The following GPC5 variants were observed in gnomAD, a reference collection of about 807,000 sequenced individuals.
GPC5 encodes the protein glypican 5, also known as glypican-5.
Under a neutral mutation model 53.9 loss-of-function variants are expected in GPC5, and 47 were observed. The observed-to-expected ratio is 0.87, with a 90% CI of 0.69 to 1.11. GPC5 has a LOEUF of 1.11. GPC5 is among the 50% of genes most tolerant of loss of function. The probability of loss-of-function intolerance (pLI) is 0.00; values close to 1 mark genes in which losing one functional copy is unlikely to be tolerated. For synonymous variants in GPC5, 286 were observed against 263.3 expected (o/e 1.09, Z -0.84); for missense variants, 748 against 713.1 (o/e 1.05, Z -0.56).
intron 7 of GPC5, among the ~76,000 whole-genome samples, chr13:92,166,921 GTC>G (rs35310453): frequency 0.072 from 9,167 of 127,906 alleles, 448 homozygotes; most frequent in East Asian, 0.17. Context: ...ATAAGTCTCA[GTC>G]TCTCTCTCTC....
chr13:92,002,400 C>T (rs1468133974), intron 6 of GPC5, among the ~76,000 whole-genome samples: 1 of 152,122 alleles, frequency 6.6e-6, no homozygotes, highest in Admixed American at 6.5e-5. Flanking sequence ...TCTTTTTACA[C>T]CAAAACTGAG....
intron 7 of GPC5, among the ~76,000 whole-genome samples, chr13:92,828,941 C>T (rs1189645562): frequency 3.3e-5 from 5 of 152,156 alleles, no homozygotes; most frequent in Non-Finnish European, 5.9e-5. Context: ...TTCGCCACCA[C>T]GCAATACATC....
At chr13:92,824,197 A>G (rs1877768975) in intron 7 of GPC5, among the ~76,000 whole-genome samples, 1 of 152,010 alleles carries the variant, frequency 6.6e-6, no homozygotes, top group Admixed American at 6.6e-5. Flanking sequence ...ACCAGTCTAC[A>G]CACTGCCCTC....
intron 7 of GPC5, among the ~76,000 whole-genome samples, chr13:92,266,887 T>A (rs887037761): frequency 2.0e-5 from 3 of 151,594 alleles, no homozygotes; most frequent in South Asian, 4.2e-4. Flanking sequence ...AAACACAATT[T>A]TTTTTTTTTG....
At chr13:91,471,649 A>G (rs905970588) in intron 2 of GPC5, among the ~76,000 whole-genome samples, 4 of 152,158 alleles carry the variant, frequency 2.6e-5, no homozygotes, top group African/African-American at 4.8e-5. Context: ...TCTCTTCCTC[A>G]TCTTCAAAAC....
chr13:92,178,510 A>G (rs968754621), intron 7 of GPC5, among the ~76,000 whole-genome samples: 1 of 150,552 alleles, frequency 6.6e-6, no homozygotes, highest in African/African-American at 2.4e-5. Context: ...TATATATACT[A>G]TTATTAAATT....
At chr13:92,071,987 TATTA>T (rs1277588017) in intron 6 of GPC5, among the ~76,000 whole-genome samples, 2 of 146,332 alleles carry the variant, frequency 1.4e-5, no homozygotes, top group African/African-American at 4.9e-5. Flanking sequence ...AATATGTATA[TATTA>T]TTTATATGTA....
intron 7 of GPC5, among the ~76,000 whole-genome samples, chr13:92,192,529 T>C (rs1215506709): frequency 6.6e-6 from 1 of 152,214 alleles, no homozygotes; most frequent in Non-Finnish European, 1.5e-5. Flanking sequence ...CATTTCTTTC[T>C]TCTAAATTGT....
rs566033954 is a variant in GPC5 at position 92,122,383 on chromosome 13, G to T, written c.1402-22447G>T. Among the ~76,000 whole-genome samples, 11 of 151,714 alleles carry T rather than the reference G, an allele frequency of 7.3e-5. No individual in the cohort carries two copies. In the East Asian group the frequency reaches 1.4e-3, roughly 19 times the overall value. The stretch of plus-strand genomic sequence containing the variant: ...TGTCCGAAACTTCTGAAGAGATACT[G>T]CCTTCAGCTGCTTCTCAGTAGCAGC... On this transcript the variant is annotated intron_variant, in intron 6 of 7. Coordinates refer to ENST00000377067, the MANE Select transcript of GPC5 (RefSeq NM_004466.6).
chr13:91,572,088 T>TGTGTATATACAC (rs1264632904), intron 2 of GPC5, among the ~76,000 whole-genome samples: 9 of 139,142 alleles, frequency 6.5e-5, no homozygotes, highest in African/African-American at 2.6e-4. Flanking sequence ...TATGTATATG[T>TGTGTATATACAC]ACATGTGTGT....
At chr13:92,346,110 C>T (rs935701247) in intron 7 of GPC5, among the ~76,000 whole-genome samples, 8 of 152,136 alleles carry the variant, frequency 5.3e-5, no homozygotes, top group African/African-American at 1.9e-4. Flanking sequence ...AGTATAGAGG[C>T]TAGACCTGCT....
chr13:92,238,989 T>C (rs1416030492), intron 7 of GPC5, among the ~76,000 whole-genome samples: 2 of 117,102 alleles, frequency 1.7e-5, no homozygotes, highest in African/African-American at 6.2e-5. Flanking sequence ...AACCATTTGC[T>C]GACAAGATTA....
At chr13:92,779,928 G>A (rs34926831) in intron 7 of GPC5, among the ~76,000 whole-genome samples, 1 of 152,034 alleles carries the variant, frequency 6.6e-6, no homozygotes, top group African/African-American at 2.4e-5. Flanking sequence ...CTTTACAGAG[G>A]ATAATCTATT....
chr13:91,770,571 A>G (rs2037603999), intron 5 of GPC5, among the ~76,000 whole-genome samples: 1 of 152,156 alleles, frequency 6.6e-6, no homozygotes. Context: ...GCTTGCTCCT[A>G]TCACTCAGGA....
intron 7 of GPC5, among the ~76,000 whole-genome samples, chr13:92,812,210 C>G (rs774867646): frequency 1.3e-5 from 2 of 151,920 alleles, no homozygotes; most frequent in African/African-American, 2.4e-5. Flanking sequence ...GTGTTCCTGT[C>G]AGGAGCACAA....
chr13:91,449,521 C>T (rs1881040860), intron 2 of GPC5, among the ~76,000 whole-genome samples: 1 of 152,038 alleles, frequency 6.6e-6, no homozygotes. Flanking sequence ...CCTTGCGTCC[C>T]GACCCCGCAA....
At chr13:91,572,122 C>T (rs1447968817) in intron 2 of GPC5, among the ~76,000 whole-genome samples, 2 of 119,052 alleles carry the variant, frequency 1.7e-5, no homozygotes, top group Non-Finnish European at 3.7e-5. Flanking sequence ...TGTATATATA[C>T]GTGTGTATAT....
chr13:92,284,548 C>G (rs2042939844), intron 7 of GPC5, among the ~76,000 whole-genome samples: 1 of 152,154 alleles, frequency 6.6e-6, no homozygotes, highest in Non-Finnish European at 1.5e-5. Flanking sequence ...CCACCATGAT[C>G]AAGTGGGCTT....
chr13:91,992,888 A>T (rs1434597348), intron 6 of GPC5, among the ~76,000 whole-genome samples: 1 of 152,164 alleles, frequency 6.6e-6, no homozygotes, highest in East Asian at 1.9e-4. Flanking sequence ...AGTTCTAGGG[A>T]ACTGTTTCAT....
Sources: gnomAD v4.1 joint callset for allele counts (sites outside exome capture counted in the v4.1 genomes callset) on GRCh38, gnomAD v4.1.1 for gene constraint, MANE v1.5 for transcripts, NCBI Gene and HGNC (gene_info 2026-07-23, HGNC 2026-07-21) for gene names.